Variants in LUZP1 observed in about 807,000 individuals in gnomAD.
The protein encoded by LUZP1 is leucine zipper protein 1, also known as filamin mechanobinding actin cross-linking protein.
A neutral mutation model predicts 71.3 loss-of-function variants in LUZP1; 25 were observed. That is an observed-to-expected ratio of 0.35 (90% CI 0.26 to 0.49). LUZP1 has a LOEUF of 0.49. Ranked by LOEUF, LUZP1 falls within the 20% of genes least tolerant of loss-of-function variation. The pLI, the probability that LUZP1 is intolerant of heterozygous loss-of-function variation, is 0.99. For missense variants in LUZP1, 1,142 were observed against 1,300.8 expected (o/e 0.88, Z 1.88); for synonymous variants, 481 against 506.4 (o/e 0.95, Z 0.67).
At position 23,093,510 on chromosome 1, in the gene LUZP1, G is replaced by A. The variant is rs751013038; in HGVS notation, c.752C>T (p.Pro251Leu). 24 of 1,612,936 alleles carry A rather than the reference G, an allele frequency of 1.5e-5. No homozygotes were observed. Among genetic ancestry groups the A allele is most frequent in the African/African-American group, 4.0e-5 (3 of 74,774 alleles). Residue 251 changes from proline (P) to leucine (L), a missense_variant, in exon 4 of 5, where the codon CCG becomes CTG. Physicochemically the swap from Pro to Leu is moderately conservative, Grantham distance 98 (BLOSUM62 -3). Transcript: ENST00000302291. The surrounding 1 kb of genome is among the most constrained non-coding windows in gnomAD (Gnocchi z 4.2). Reference sequence around the variant, plus strand: ...ACCCTTCCTTCTTGATTCTTTGGACGGCAGTGTGGAAGAGATGCCATCCTC... The same window carrying A: ...ACCCTTCCTTCTTGATTCTTTGGACAGCAGTGTGGAAGAGATGCCATCCTC...
intron 2 of LUZP1, among the ~76,000 whole-genome samples, chr1:23,114,410 C>T (rs1221366781): frequency 1.3e-5 from 2 of 152,120 alleles, no homozygotes; most frequent in Non-Finnish European, 2.9e-5. Flanking sequence ...AGGCCGATGG[C>T]AGGATGGGGT....
At chr1:23,095,363 A>G (rs1228727926) in intron 3 of LUZP1, among the ~76,000 whole-genome samples, 1 of 152,254 alleles carries the variant, frequency 6.6e-6, no homozygotes, top group Non-Finnish European at 1.5e-5. Flanking sequence ...ACTATAAAAC[A>G]GCTAAAAATA....
intron 2 of LUZP1, among the ~76,000 whole-genome samples, chr1:23,147,807 T>C (rs1557681196): frequency 6.6e-6 from 1 of 152,176 alleles, no homozygotes; most frequent in Non-Finnish European, 1.5e-5. Flanking sequence ...AATCTTGAAA[T>C]GGGCATATGT....
chr1:23,146,322 C>G (rs1026308222), intron 2 of LUZP1, among the ~76,000 whole-genome samples: 1 of 152,144 alleles, frequency 6.6e-6, no homozygotes, highest in Non-Finnish European at 1.5e-5. Context: ...AGCCCATGCA[C>G]CATTATCTTT....
At chr1:23,090,952 A>C in intron 4 of LUZP1, 1 of 718,632 alleles carries the variant, frequency 1.4e-6, no homozygotes, top group South Asian at 1.5e-5. Context: ...ACCTTCATAT[A>C]CGAGAGCAAA....
At chr1:23,114,123 C>T (rs1452862461) in intron 2 of LUZP1, among the ~76,000 whole-genome samples, 2 of 152,208 alleles carry the variant, frequency 1.3e-5, no homozygotes, top group East Asian at 3.9e-4. Flanking sequence ...CATTCTCAGT[C>T]TCTAGAAAAA....
At chr1:23,160,614 AGT>A (rs1199536862) in intron 2 of LUZP1, among the ~76,000 whole-genome samples, 4 of 152,264 alleles carry the variant, frequency 2.6e-5, no homozygotes, top group African/African-American at 9.6e-5. Context: ...AAAGAATCCA[AGT>A]TAATAAGCTT....
At chr1:23,091,700 C>T (rs752965404) in exon 4 of LUZP1, 1 of 1,614,138 alleles carries the variant, frequency 6.2e-7, no homozygotes. Flanking sequence ...CTTCTGCAAG[C>T]TGCAGGGTGA....
At chr1:23,176,091 T>C (rs1001809593) in intron 1 of LUZP1, among the ~76,000 whole-genome samples, 1 of 150,476 alleles carries the variant, frequency 6.6e-6, no homozygotes, top group East Asian at 1.9e-4. Flanking sequence ...AGATGGAGTC[T>C]TGCTCTGTCG....
intron 2 of LUZP1, among the ~76,000 whole-genome samples, chr1:23,121,968 T>C (rs1196525005): frequency 1.3e-5 from 2 of 152,110 alleles, no homozygotes; most frequent in African/African-American, 4.8e-5. Flanking sequence ...GCTGAGATCA[T>C]ACCACTGCAC....
At chr1:23,115,647 T>C (rs1014179939) in intron 2 of LUZP1, among the ~76,000 whole-genome samples, 2 of 152,126 alleles carry the variant, frequency 1.3e-5, no homozygotes, top group African/African-American at 4.8e-5. Flanking sequence ...TTCAAGCGAT[T>C]CTCCTGTCTC....
exon 5 of LUZP1, chr1:23,087,407 T>C (rs753594536): frequency 6.6e-6 from 1 of 152,216 alleles, no homozygotes; most frequent in Non-Finnish European, 1.5e-5. Context: ...AATACCAGAT[T>C]TGGTGCCCTT....
In LUZP1 at chr1:23,148,648, T is replaced by G. The variant is rs564454996; in HGVS notation, c.-226+20118A>C. 2.7e-4 allele frequency among the ~76,000 whole-genome samples: 41 copies of G among 152,324 alleles called. No homozygotes were observed. In the South Asian group the frequency reaches 7.0e-3, roughly 26 times the overall value. ...ACTGAGATTCTCAGTGTAATTATTTTTCTGTGACAGAATCTGATTTGTTTC... is the reference window on the plus strand; with the variant it reads ...ACTGAGATTCTCAGTGTAATTATTTGTCTGTGACAGAATCTGATTTGTTTC... On this transcript the variant is annotated intron_variant, in intron 2 of 4. Transcript: ENST00000302291.
At chr1:23,141,283 C>A (rs1644300669) in intron 2 of LUZP1, 1 of 152,284 alleles carries the variant, frequency 6.6e-6, no homozygotes, top group South Asian at 2.1e-4. Context: ...GCAAGGGAGC[C>A]TGGGACCTTG....
At chr1:23,104,169 T>C (rs879526453) in intron 3 of LUZP1, among the ~76,000 whole-genome samples, 1 of 151,246 alleles carries the variant, frequency 6.6e-6, no homozygotes, top group Non-Finnish European at 1.5e-5. Flanking sequence ...ATGGTAAACA[T>C]CTTTTTTTCT....
At chr1:23,173,601 C>T (rs1180338337) in intron 1 of LUZP1, among the ~76,000 whole-genome samples, 1 of 152,020 alleles carries the variant, frequency 6.6e-6, no homozygotes, top group African/African-American at 2.4e-5. Context: ...AAGCCATCCA[C>T]CTGCCTTGGC....
At chr1:23,084,072 G>T (rs1284905090) in exon 5 of LUZP1, 1 of 152,130 alleles carries the variant, frequency 6.6e-6, no homozygotes, top group Admixed American at 6.5e-5. Flanking sequence ...CCCTCCATGG[G>T]TATGTGCTAA....
At chr1:23,148,853 G>A (rs185563472) in intron 2 of LUZP1, among the ~76,000 whole-genome samples, 3 of 151,024 alleles carry the variant, frequency 2.0e-5, no homozygotes, top group East Asian at 2.0e-4. Flanking sequence ...GGGAAGCCAC[G>A]GTGAGAAGAC....
intron 2 of LUZP1, among the ~76,000 whole-genome samples, chr1:23,132,268 C>T (rs1312331592): frequency 7.9e-5 from 12 of 152,156 alleles, no homozygotes; most frequent in Non-Finnish European, 2.9e-5. Context: ...ATTTGTCATA[C>T]TCATCAATGA....
Sources: gnomAD v4.1 joint callset for allele counts (sites outside exome capture counted in the v4.1 genomes callset) on GRCh38, gnomAD v4.1.1 for gene constraint, Gnocchi (gnomAD v3.1) non-coding constraint, MANE v1.5 for transcripts, NCBI Gene and HGNC (gene_info 2026-07-23, HGNC 2026-07-21) for gene names.